The following DMXL1 variants were observed in gnomAD, a reference collection of about 807,000 sequenced individuals.
DMXL1 encodes the protein Dmx like 1, also known as dmX-like protein 1.
DMXL1 carries 99 observed loss-of-function variants against 319.2 expected under a neutral mutation model. That is an observed-to-expected ratio of 0.31 (90% CI 0.26 to 0.37). DMXL1 has a LOEUF of 0.37. Ranked by LOEUF, DMXL1 falls within the 10% of genes least tolerant of loss-of-function variation. The pLI is 1.00. For missense variants in DMXL1, 3,745 were observed against 3,595.6 expected, an observed-to-expected ratio of 1.04 and a Z score of -1.06; for synonymous variants, 1,385 against 1,235.2, an observed-to-expected ratio of 1.12 and a Z score of -2.54.
rs768167931 is a variant in DMXL1, at chr5:119,149,336, G to T, written c.3509G>T (p.Gly1170Val). 1 of 1,613,948 alleles carries T rather than the reference G, an allele frequency of 6.2e-7. No individual in the cohort carries two copies. The highest frequency in any genetic ancestry group is 8.5e-7 in the Non-Finnish European group (1 of 1,179,894). ...SKLFMYGPLAGKVQDQTGKET... is the reference protein window; with the variant it reads ...SKLFMYGPLAVKVQDQTGKET... ...CTTTTTATGTATGGACCCCTGGCTG[G>T]CAAGGTACAAGACCAAACTGGTAAG... is the stretch of plus-strand genomic sequence containing the variant. The change falls in exon 18 of 44, where the codon GGC (glycine) becomes GTC (valine). Residue 1170 changes from glycine to valine, a missense_variant. Coordinates refer to ENST00000539542, the MANE Select transcript of DMXL1 (RefSeq NM_001290321.3).
intron 6 of DMXL1, among the ~76,000 whole-genome samples, 162 bp downstream of exon 6, chr5:119,114,703 C>A (rs1308298611): frequency 6.6e-6 from 1 of 152,192 alleles, no homozygotes; most frequent in Non-Finnish European, 1.5e-5. Context: ...GAGACTCACT[C>A]TGTCATCCAG....
In DMXL1 at chr5:119,170,934, A is replaced by G. The variant is rs147426060; in HGVS notation, c.6143A>G (p.Tyr2048Cys). 2 of 1,613,540 alleles carry G rather than the reference A, an allele frequency of 1.2e-6. No homozygotes were observed. Among genetic ancestry groups the G allele is most frequent in the Non-Finnish European group, 1.7e-6 (2 of 1,179,888 alleles). The change falls in exon 24 of 44, where the codon TAT becomes TGT. Residue 2048 changes from tyrosine (Y) to cysteine (C), a missense_variant. By Grantham distance (194) the Tyr-to-Cys change is radical. Transcript: ENST00000539542. ...GAACTTCGTACTTTATCTACTGGCT[A>G]TGAAATAGATGGTGGAAAATTGCGT... The part of the protein sequence containing the change: ...TVELRTLSTG[Y>C]EIDGGKLRYQ...
At chr5:119,107,046 T>TA (rs1758505832) in intron 4 of DMXL1, among the ~76,000 whole-genome samples, 1 of 152,124 alleles carries the variant, frequency 6.6e-6, no homozygotes, top group South Asian at 2.1e-4. Flanking sequence ...CATAAAAAGT[T>TA]ATCTTTGGGG....
chr5:119,087,567 G>A (rs1309374619), intron 1 of DMXL1, among the ~76,000 whole-genome samples: 1 of 152,086 alleles, frequency 6.6e-6, no homozygotes, highest in Non-Finnish European at 1.5e-5. Context: ...CTTGTTTTGT[G>A]ACCTCAGATA....
Position 119,100,866 on chromosome 5 carries a change from G to A in DMXL1, c.214-1069G>A, listed in dbSNP as rs1197085327. On this transcript the variant is annotated intron_variant, in intron 2 of 43. Coordinates refer to ENST00000539542, the MANE Select transcript of DMXL1 (RefSeq NM_001290321.3). Reference sequence around the variant, plus strand: ...GTGAACTCGGCTCACTGCAAGCTCCGCCTCCCGGGTTCACGCCATTCTCCT... The same window carrying A: ...GTGAACTCGGCTCACTGCAAGCTCCACCTCCCGGGTTCACGCCATTCTCCT... Among the ~76,000 whole-genome samples the A allele has an allele frequency of 2.4e-5, 3 of 126,736 alleles. 1 individual carries two copies. Among genetic ancestry groups the A allele is most frequent in the South Asian group, 5.6e-4 (2 of 3,568 alleles). 83.1% of individuals were successfully genotyped at this position (126,736 alleles called of 152,430 possible).
chr5:119,173,799 A>ATATATAT (rs1400785907), intron 25 of DMXL1, among the ~76,000 whole-genome samples: 1 of 44,282 alleles, frequency 2.3e-5, no homozygotes, highest in Non-Finnish European at 4.6e-5. Context: ...TATATATATA[A>ATATATAT]TGAGAGAGAG....
At chr5:119,169,035 G>A (rs969057819) in intron 23 of DMXL1, among the ~76,000 whole-genome samples, 1 of 152,024 alleles carries the variant, frequency 6.6e-6, no homozygotes, top group Non-Finnish European at 1.5e-5. Flanking sequence ...CTGAGTAGCG[G>A]GGACCACAGG....
rs747919682 is a variant in DMXL1 at position 119,133,849 on chromosome 5, A to G, written c.1925A>G (p.Asp642Gly). Residue 642 changes from aspartate to glycine, a missense_variant, in exon 12 of 44, where the codon GAT (aspartate) becomes GGT (glycine). Physicochemically the swap from Asp to Gly is moderately conservative, Grantham distance 94. Coordinates refer to ENST00000539542, the MANE Select transcript of DMXL1 (RefSeq NM_001290321.3). ...TGTGGTCATCGTTTTCATCTTAATG[A>G]TTTAGCTTGCCACTCAGTATTACCA... Reference protein sequence around the residue: ...RYCGHRFHLNDLACHSVLPLL... With the variant: ...RYCGHRFHLNGLACHSVLPLL... 1.9e-6 allele frequency: 3 copies of G among 1,614,118 alleles called. No individual in the cohort carries two copies. The highest frequency in any genetic ancestry group is 1.3e-5 in the African/African-American group (1 of 75,042).
chr5:119,149,059 G>T lies in DMXL1; in HGVS notation c.3232G>T (p.Val1078Leu). Residue 1078 changes from valine to leucine, a missense_variant, in exon 18 of 44, where the codon GTA becomes TTA. Val to Leu is a conservative substitution (Grantham distance 32). Around this residue, in one of 4 missense-constraint regions of DMXL1, gnomAD observed 2,096 missense variants for 1,985.4 expected, o/e 1.06. Transcript: ENST00000539542. ...ATCTTCCCAGGACTTTGTGATGCATGTAAGTATTTTTGAATGTGAGTCAAC... is the reference window on the plus strand; with the variant it reads ...ATCTTCCCAGGACTTTGTGATGCATTTAAGTATTTTTGAATGTGAGTCAAC... ...SRSSQDFVMH[V>L]SIFECESTGG... The T allele has an allele frequency of 6.2e-7, 1 of 1,613,914 alleles. No individual in the cohort carries two copies. Among genetic ancestry groups the T allele is most frequent in the Non-Finnish European group, 8.5e-7 (1 of 1,179,858 alleles).
At chr5:119,080,898 C>T (rs1277686797) in intron 1 of DMXL1, among the ~76,000 whole-genome samples, 1 of 152,130 alleles carries the variant, frequency 6.6e-6, no homozygotes. Flanking sequence ...ACAAGCTCTT[C>T]AGGAAACTTT....
intron 8 of DMXL1, among the ~76,000 whole-genome samples, chr5:119,120,038 G>A (rs938595334): frequency 8.6e-5 from 13 of 151,818 alleles, no homozygotes; most frequent in Non-Finnish European, 1.8e-4. Context: ...GTGCCACCAC[G>A]CCTGGCTAAT....
intron 25 of DMXL1, among the ~76,000 whole-genome samples, chr5:119,172,844 C>T (rs1002345176): frequency 2.0e-5 from 3 of 152,088 alleles, no homozygotes; most frequent in Non-Finnish European, 4.4e-5. Context: ...CAATTTTACC[C>T]TCTTTAGTTA....
At chr5:119,243,247 T>C (rs1789155920) in intron 42 of DMXL1, among the ~76,000 whole-genome samples, 1 of 152,248 alleles carries the variant, frequency 6.6e-6, no homozygotes, top group Non-Finnish European at 1.5e-5. Flanking sequence ...ATTAATTTTA[T>C]TTCAAGTCTT....
chr5:119,228,867 G>GA (rs1420401059), intron 38 of DMXL1, among the ~76,000 whole-genome samples: 1 of 151,914 alleles, frequency 6.6e-6, no homozygotes, highest in African/African-American at 2.4e-5. Flanking sequence ...TGTTGTTGTA[G>GA]AAAAATCCTT....
intron 18 of DMXL1, 42 bp downstream of exon 18, chr5:119,150,463 C>G (rs1229513118): frequency 6.5e-7 from 1 of 1,534,944 alleles, no homozygotes; most frequent in South Asian, 1.3e-5. Context: ...TACTTACTTT[C>G]ACAGAAAATA....
rs1283157136 is a variant in DMXL1, at chr5:119,149,056, C to T, written c.3229C>T (p.His1077Tyr). ...TAGATCTTCCCAGGACTTTGTGATG[C>T]ATGTAAGTATTTTTGAATGTGAGTC... The part of the protein sequence containing the change: ...NSRSSQDFVM[H>Y]VSIFECESTG... The change falls in exon 18 of 44, where the codon CAT becomes TAT. Residue 1077 changes from histidine to tyrosine, a missense_variant. His to Tyr is a moderately conservative substitution (Grantham distance 83). This residue lies in a region of DMXL1 where 2,096 missense variants were observed against 1,985.4 expected (regional missense o/e 1.06). Transcript: ENST00000539542. The T allele has an allele frequency of 4.3e-6, 7 of 1,613,838 alleles. No individual in the cohort carries two copies. Among genetic ancestry groups the T allele is most frequent in the Non-Finnish European group, 5.9e-6 (7 of 1,179,852 alleles).
At chr5:119,188,225 T>C (rs547317131) in intron 28 of DMXL1, among the ~76,000 whole-genome samples, 2 of 152,334 alleles carry the variant, frequency 1.3e-5, no homozygotes, top group East Asian at 3.9e-4. Flanking sequence ...TACGTGTTTT[T>C]TTTTCAGAGA....
At chr5:119,132,192 CTACACTAGAATA>C (rs1765054791) in intron 10 of DMXL1, among the ~76,000 whole-genome samples, 1 of 152,104 alleles carries the variant, frequency 6.6e-6, no homozygotes, top group Admixed American at 6.5e-5. Flanking sequence ...AGAAAAGGCT[CTACACTAGAATA>C]TGTGACAATT....
chr5:119,098,726 A>G (rs1355127404), intron 2 of DMXL1, among the ~76,000 whole-genome samples: 2 of 152,232 alleles, frequency 1.3e-5, no homozygotes, highest in Non-Finnish European at 2.9e-5. Context: ...AGAATGAGAA[A>G]GTCATACTAC....
Sources: gnomAD v4.1 joint callset for allele counts (sites outside exome capture counted in the v4.1 genomes callset) on GRCh38, gnomAD v4.1.1 for gene constraint, gnomAD v4.1.1 regional missense constraint, MANE v1.5 for transcripts, NCBI Gene and HGNC (gene_info 2026-07-23, HGNC 2026-07-21) for gene names.